The following FOXP2 variants were observed in gnomAD, a reference collection of about 807,000 sequenced individuals.
FOXP2 encodes forkhead box protein P2.
A neutral mutation model predicts 115.8 loss-of-function variants in FOXP2; 12 were observed. The ratio of observed to expected loss-of-function variants is 0.10; its 90% CI spans 0.07 to 0.17. The LOEUF (loss-of-function observed/expected upper bound fraction) is 0.17. Ranked by LOEUF, FOXP2 falls within the 10% of genes least tolerant of loss-of-function variation. The probability of loss-of-function intolerance (pLI) is 1.00; values close to 1 mark genes in which losing one functional copy is unlikely to be tolerated. For missense variants in FOXP2, 629 were observed against 843.5 expected, an observed-to-expected ratio of 0.75 and a Z score of 3.15; for synonymous variants, 328 against 297.7, an observed-to-expected ratio of 1.10 and a Z score of -1.05.
chr7:114,337,111 G>A (rs1017039231), intron 2 of FOXP2, among the ~76,000 whole-genome samples: 7 of 151,574 alleles, frequency 4.6e-5, no homozygotes, highest in Non-Finnish European at 5.9e-5. Flanking sequence ...TTTCAGTAAT[G>A]GGTTGCACAA....
chr7:114,256,651 T>A (rs1277609146), intron 1 of FOXP2, among the ~76,000 whole-genome samples: 1 of 152,212 alleles, frequency 6.6e-6, no homozygotes, highest in East Asian at 1.9e-4. Context: ...TTCTGTGGGT[T>A]AGCTGTTCAC....
At chr7:114,543,941 C>A (rs1799800968) in intron 3 of FOXP2, among the ~76,000 whole-genome samples, 1 of 152,210 alleles carries the variant, frequency 6.6e-6, no homozygotes, top group South Asian at 2.1e-4. Flanking sequence ...AATTGTAAAT[C>A]TCCACTGGCA....
At chr7:114,325,503 T>C (rs955742526) in intron 2 of FOXP2, among the ~76,000 whole-genome samples, 22 of 152,006 alleles carry the variant, frequency 1.4e-4, no homozygotes, top group Non-Finnish European at 2.7e-4. Flanking sequence ...ACTGATAATT[T>C]TTTTTAATCC....
intron 3 of FOXP2, among the ~76,000 whole-genome samples, chr7:114,605,839 C>T (rs73208672): frequency 0.025 from 3,744 of 152,226 alleles, 65 homozygotes; most frequent in Non-Finnish European, 0.038. Flanking sequence ...AAACTATCTT[C>T]TTTAGGATTG....
intron 2 of FOXP2, among the ~76,000 whole-genome samples, chr7:114,484,052 T>G (rs781519855): frequency 4.0e-5 from 6 of 151,848 alleles, no homozygotes; most frequent in Non-Finnish European, 7.4e-5. Flanking sequence ...TAATGTTATA[T>G]GAAGTCAGAA....
intron 3 of FOXP2, among the ~76,000 whole-genome samples, chr7:114,564,145 C>G (rs1046785063): frequency 3.3e-5 from 5 of 152,192 alleles, no homozygotes; most frequent in South Asian, 2.1e-4. Context: ...ATCTTTCTAG[C>G]CTTGTCTCTC....
chr7:114,444,403 A>T (rs1434997311), intron 2 of FOXP2, among the ~76,000 whole-genome samples: 1 of 152,180 alleles, frequency 6.6e-6, no homozygotes, highest in African/African-American at 2.4e-5. Context: ...TGAAATCACC[A>T]CAAGTGATTT....
At chr7:114,344,834 TAAC>T (rs1453754827) in intron 2 of FOXP2, among the ~76,000 whole-genome samples, 1 of 151,808 alleles carries the variant, frequency 6.6e-6, no homozygotes, top group East Asian at 1.9e-4. Context: ...TGAGCAGACA[TAAC>T]AAAATGATAT....
At chr7:114,507,260 T>G (rs747542681) in intron 2 of FOXP2, among the ~76,000 whole-genome samples, 16 of 152,028 alleles carry the variant, frequency 1.1e-4, no homozygotes, top group Non-Finnish European at 2.2e-4. Flanking sequence ...GATTTCTTTC[T>G]TGTCAGGAGT....
At chr7:114,427,274 CTAAG>C (rs1187773051) in intron 2 of FOXP2, among the ~76,000 whole-genome samples, 2 of 151,332 alleles carry the variant, frequency 1.3e-5, no homozygotes, top group Non-Finnish European at 3.0e-5. Context: ...TTGTGTTCTC[CTAAG>C]TGTCTCATAA....
chr7:114,480,814 A>C (rs1034774719), intron 2 of FOXP2, among the ~76,000 whole-genome samples: 1 of 150,896 alleles, frequency 6.6e-6, no homozygotes, highest in Non-Finnish European at 1.5e-5. Flanking sequence ...TTTGATATCA[A>C]GGATCTTAGA....
chr7:114,606,707 T>G (rs995883680), intron 3 of FOXP2, among the ~76,000 whole-genome samples: 3 of 152,168 alleles, frequency 2.0e-5, no homozygotes, highest in African/African-American at 7.2e-5. Flanking sequence ...GGAAAGAACA[T>G]TCTTACAAAT....
At chr7:114,315,729 G>A (rs766285209) in intron 2 of FOXP2, among the ~76,000 whole-genome samples, 3 of 151,984 alleles carry the variant, frequency 2.0e-5, no homozygotes, top group Non-Finnish European at 2.9e-5. Flanking sequence ...CTGAACCATT[G>A]CTCCTCAGAG....
intron 2 of FOXP2, among the ~76,000 whole-genome samples, chr7:114,482,531 G>A (rs969899668): frequency 7.9e-5 from 12 of 151,120 alleles, no homozygotes; most frequent in Non-Finnish European, 1.6e-4. Context: ...TCTTTATCAC[G>A]AAGAAAAAAA....
At chr7:114,390,023 C>CAAAAAAA (rs11311566) in intron 2 of FOXP2, among the ~76,000 whole-genome samples, 1 of 93,190 alleles carries the variant, frequency 1.1e-5, no homozygotes, top group African/African-American at 4.2e-5. Context: ...CATTCAGTGT[C>CAAAAAAA]AAAAAAAAAA....
At chr7:114,551,264 C>T (rs1800192276) in intron 3 of FOXP2, among the ~76,000 whole-genome samples, 1 of 152,118 alleles carries the variant, frequency 6.6e-6, no homozygotes, top group African/African-American at 2.4e-5. Context: ...GACACTTTGC[C>T]AGGCAGACAC....
At chr7:114,648,543 A>G (rs1341776388) in intron 8 of FOXP2, among the ~76,000 whole-genome samples, 2 of 152,154 alleles carry the variant, frequency 1.3e-5, no homozygotes, top group Non-Finnish European at 2.9e-5. Flanking sequence ...TCTGGATTGT[A>G]TATAATTGAA....
intron 2 of FOXP2, among the ~76,000 whole-genome samples, chr7:114,488,405 C>A (rs935628753): frequency 2.0e-5 from 3 of 152,110 alleles, no homozygotes; most frequent in Non-Finnish European, 4.4e-5. Flanking sequence ...GCTACTTATA[C>A]TTTTTGTTGG....
At chr7:114,514,111 ACACACACG>A (rs1382108550) in intron 2 of FOXP2, among the ~76,000 whole-genome samples, 1 of 132,340 alleles carries the variant, frequency 7.6e-6, no homozygotes, top group Non-Finnish European at 1.7e-5. Context: ...ACACACACAC[ACACACACG>A]CCATAAATAT....
Sources: allele counts gnomAD v4.1 joint callset (sites outside exome capture counted in the v4.1 genomes callset), GRCh38; gene constraint gnomAD v4.1.1; transcripts MANE v1.5; gene names NCBI Gene and HGNC (gene_info 2026-07-23, HGNC 2026-07-21).